STAC: variants seen among roughly 807,000 people sequenced by gnomAD.
STAC encodes the protein SH3 and cysteine rich domain, also known as SH3 and cysteine-rich domain-containing protein.
Under a neutral mutation model 48.8 loss-of-function variants are expected in STAC, and 43 were observed. The ratio of observed to expected loss-of-function variants is 0.88; its 90% CI spans 0.69 to 1.14. The LOEUF is 1.14. STAC is among the 50% of genes most tolerant of loss of function. The probability of loss-of-function intolerance (pLI) is 0.00; values close to 1 mark genes in which losing one functional copy is unlikely to be tolerated. For missense variants in STAC, 497 were observed against 504.0 expected (o/e 0.99, Z 0.13); for synonymous variants, 193 against 179.5 (o/e 1.07, Z -0.60).
At chr3:36,495,562 G>A (rs538466470) in intron 6 of STAC, among the ~76,000 whole-genome samples, 26 of 152,298 alleles carry the variant, frequency 1.7e-4, no homozygotes, top group African/African-American at 5.1e-4. Flanking sequence ...TCAAAATTAT[G>A]CCCAGCATGT....
chr3:36,411,745 T>C (rs913877237), intron 1 of STAC, among the ~76,000 whole-genome samples: 4 of 152,140 alleles, frequency 2.6e-5, no homozygotes, highest in African/African-American at 7.2e-5. Flanking sequence ...GCAGCACATA[T>C]GTCCTGTCAT....
chr3:36,406,322 G>A (rs1169778366), intron 1 of STAC, among the ~76,000 whole-genome samples: 1 of 152,206 alleles, frequency 6.6e-6, no homozygotes, highest in Non-Finnish European at 1.5e-5. Flanking sequence ...AAACTGCAGT[G>A]CAGTTACAGC....
chr3:36,383,638 G>A (rs1699559708), intron 1 of STAC, among the ~76,000 whole-genome samples: 1 of 152,096 alleles, frequency 6.6e-6, no homozygotes, highest in Admixed American at 6.6e-5. Context: ...TAAGCTAAGG[G>A]CCACTATATT....
intron 1 of STAC, among the ~76,000 whole-genome samples, chr3:36,384,304 AC>A (rs915781772): frequency 3.9e-5 from 6 of 152,092 alleles, no homozygotes; most frequent in African/African-American, 1.4e-4. Context: ...TTGAGGAATC[AC>A]ACCTCAATAT....
intron 6 of STAC, among the ~76,000 whole-genome samples, chr3:36,498,431 A>G (rs1203852971): frequency 6.6e-6 from 1 of 152,212 alleles, no homozygotes; most frequent in African/African-American, 2.4e-5. Flanking sequence ...TCCAACATGC[A>G]TCTAAGTGAC....
intron 1 of STAC, among the ~76,000 whole-genome samples, chr3:36,383,282 AT>A (rs1699551965): frequency 6.6e-6 from 1 of 152,170 alleles, no homozygotes; most frequent in African/African-American, 2.4e-5. Flanking sequence ...TAATATTTCT[AT>A]TTTATGGATG....
At chr3:36,521,829 C>A (rs763810147) in intron 8 of STAC, among the ~76,000 whole-genome samples, 1 of 152,120 alleles carries the variant, frequency 6.6e-6, no homozygotes, top group Non-Finnish European at 1.5e-5. Flanking sequence ...CATGGTGGCT[C>A]GTGTCTGTAA....
chr3:36,494,922 C>T (rs1698097310), intron 6 of STAC, among the ~76,000 whole-genome samples: 3 of 152,192 alleles, frequency 2.0e-5, no homozygotes, highest in Admixed American at 2.0e-4. Context: ...TCTGACTCAC[C>T]AGAGACTTGC....
intron 1 of STAC, among the ~76,000 whole-genome samples, chr3:36,394,159 AT>A: frequency 6.6e-6 from 1 of 152,300 alleles, no homozygotes; most frequent in Non-Finnish European, 1.5e-5. Context: ...TCATTGTCCA[AT>A]ATGGTAGCCA....
intron 3 of STAC, among the ~76,000 whole-genome samples, chr3:36,484,428 T>C (rs1697744248): frequency 6.6e-6 from 1 of 152,172 alleles, no homozygotes; most frequent in Non-Finnish European, 1.5e-5. Flanking sequence ...CCCCTTCTCC[T>C]TCTCCAGTGG....
rs527268444 is a variant in STAC at position 36,530,946 on chromosome 3, A to C, written c.1110+1961A>C. ...TTCAAAAGAATCTTTAAAAGGAAAAATCTAAAGAAAAATGATAATATGGAG... is the reference window on the plus strand; with the variant it reads ...TTCAAAAGAATCTTTAAAAGGAAAACTCTAAAGAAAAATGATAATATGGAG... On this transcript the variant is annotated intron_variant, in intron 10 of 10. Transcript: ENST00000273183. Among the ~76,000 whole-genome samples, 13 of 152,338 alleles carry C rather than the reference A, an allele frequency of 8.5e-5. No individual in the cohort carries two copies. The East Asian group carries it at 2.3e-3, about 27-fold the overall frequency.
intron 1 of STAC, among the ~76,000 whole-genome samples, chr3:36,413,215 A>G (rs1700237296): frequency 6.6e-6 from 1 of 152,166 alleles, no homozygotes; most frequent in African/African-American, 2.4e-5. Flanking sequence ...GCTGAGTTCA[A>G]TTCCTGGATA....
chr3:36,437,317 A>G (rs1385068546), intron 1 of STAC, among the ~76,000 whole-genome samples: 1 of 151,746 alleles, frequency 6.6e-6, no homozygotes, highest in African/African-American at 2.4e-5. Context: ...CTATAAAGAC[A>G]CATGCACACG....
chr3:36,463,987 A>C (rs892442991), intron 2 of STAC, among the ~76,000 whole-genome samples: 5 of 152,126 alleles, frequency 3.3e-5, no homozygotes, highest in Admixed American at 2.6e-4. Context: ...ATACGTGTGC[A>C]TGTGTCTTTA....
chr3:36,461,824 C>T (rs1697025462), intron 2 of STAC, among the ~76,000 whole-genome samples: 1 of 152,120 alleles, frequency 6.6e-6, no homozygotes. Flanking sequence ...GGGTCTAAAA[C>T]AGAGAGAATA....
rs73827555 is a variant in STAC at position 36,529,703 on chromosome 3, C to T, written c.1110+718C>T. ...AAGAAACAGCATTCTCACACTTTAG[C>T]TCTCTGGCCTACTCTTCCTGTCTTT... is the stretch of plus-strand genomic sequence containing the variant. On this transcript the variant is annotated intron_variant, in intron 10 of 10. Transcript: ENST00000273183. Among the ~76,000 whole-genome samples the T allele has an allele frequency of 3.2e-3, 483 of 152,332 alleles. 1 individual carries two copies. Among genetic ancestry groups the T allele is most frequent in the African/African-American group, 0.011 (447 of 41,570 alleles).
rs544329459 is a variant in STAC at position 36,463,705 on chromosome 3, C to T, written c.389-19287C>T. Among the ~76,000 whole-genome samples, 23 of 135,584 alleles carry T rather than the reference C, an allele frequency of 1.7e-4. No homozygotes were observed. The East Asian group carries it at 5.5e-3, about 32-fold the overall frequency. 88.9% of individuals were successfully genotyped at this position (135,584 alleles called of 152,430 possible). A position where few individuals can be genotyped will look rare whatever the true frequency, so the allele number is the denominator to read the frequency against. On this transcript the variant is annotated intron_variant, in intron 2 of 10. Coordinates refer to ENST00000273183, the MANE Select transcript of STAC (RefSeq NM_003149.3). The stretch of plus-strand genomic sequence containing the variant: ...ACAGGCCCCAGTGTGCGATGTTCCC[C>T]TTCCTGTGTCCATGTGATCTCATTG...
At chr3:36,537,463 T>C (rs1699225448) in intron 10 of STAC, among the ~76,000 whole-genome samples, 1 of 152,198 alleles carries the variant, frequency 6.6e-6, no homozygotes, top group South Asian at 2.1e-4. Context: ...AAACACTGCA[T>C]GTTCTCAGTC....
chr3:36,540,676 A>AG (rs1354724596), intron 10 of STAC, among the ~76,000 whole-genome samples: 3 of 152,184 alleles, frequency 2.0e-5, no homozygotes, highest in African/African-American at 7.2e-5. Context: ...CTCCAGCCAC[A>AG]GGGAGCTGAA....
Sources: gnomAD v4.1 joint callset for allele counts (sites outside exome capture counted in the v4.1 genomes callset) on GRCh38, gnomAD v4.1.1 for gene constraint, MANE v1.5 for transcripts, NCBI Gene and HGNC (gene_info 2026-07-23, HGNC 2026-07-21) for gene names.